KIAA1671: variants seen among roughly 807,000 people sequenced by gnomAD.
The protein encoded by KIAA1671 is KIAA1671.
In KIAA1671, 52 loss-of-function variants were observed where a neutral mutation model predicts 131.2. The observed-to-expected ratio is 0.40, with a 90% CI of 0.32 to 0.50. The LOEUF (loss-of-function observed/expected upper bound fraction) is 0.50, where lower values mean the gene tolerates loss of function less well. Ranked by LOEUF, KIAA1671 falls within the 20% of genes least tolerant of loss-of-function variation. KIAA1671 has a pLI of 0.73. For missense variants in KIAA1671, 2,360 were observed against 2,364.2 expected, an observed-to-expected ratio of 1.00 and a Z score of 0.04; for synonymous variants, 1,003 against 961.6, an observed-to-expected ratio of 1.04 and a Z score of -0.80.
chr22:25,094,261 C>T (rs987240748), intron 6 of KIAA1671, among the ~76,000 whole-genome samples: 3 of 152,102 alleles, frequency 2.0e-5, no homozygotes, highest in African/African-American at 7.2e-5. Context: ...TTGCCCAGAG[C>T]TTGGAGCCCT....
In KIAA1671 at chr22:25,039,569, T is replaced by A. The variant is rs1247764207; in HGVS notation, c.2439T>A (p.Phe813Leu). The change falls in exon 5 of 13, where the codon TTT (phenylalanine) becomes TTA (leucine). Residue 813 changes from phenylalanine to leucine, a missense_variant. Physicochemically the swap from Phe to Leu is conservative, Grantham distance 22 (BLOSUM62 0). Around this residue, in one of 3 missense-constraint regions of KIAA1671, gnomAD observed 1,185 missense variants for 1,126.2 expected, o/e 1.05. Transcript: ENST00000358431. ...RGMPEASGPKFGGNCPFPKWT... is the reference protein window; with the variant it reads ...RGMPEASGPKLGGNCPFPKWT... ...TGCCTGAGGCTAGTGGACCGAAGTT[T>A]GGGGGCAATTGCCCGTTTCCCAAAT... The A allele has an allele frequency of 3.2e-6, 5 of 1,551,656 alleles. No individual in the cohort carries two copies. In the Admixed American group the frequency reaches 7.8e-5, roughly 24 times the overall value.
At chr22:25,098,638 G>GT (rs983725045) in intron 6 of KIAA1671, among the ~76,000 whole-genome samples, 4 of 150,724 alleles carry the variant, frequency 2.7e-5, no homozygotes, top group African/African-American at 9.9e-5. Flanking sequence ...GGGCGGGGGG[G>GT]GGTTTGCTCT....
At chr22:24,954,540 A>G (rs1292393176) in intron 1 of KIAA1671, among the ~76,000 whole-genome samples, 1 of 152,142 alleles carries the variant, frequency 6.6e-6, no homozygotes, top group Non-Finnish European at 1.5e-5. Context: ...GGCTCCATCA[A>G]CCAGCGTGTA....
Position 25,046,402 on chromosome 22 carries a change from T to C in KIAA1671, c.4396-2828T>C, listed in dbSNP as rs16979472. The stretch of plus-strand genomic sequence containing the variant: ...AGGGTGTGATGGTCATTAAAGTGAT[T>C]CCTTCCTCTCTCCATCCCTTCCTCT... On this transcript the variant is annotated intron_variant, in intron 5 of 12. Coordinates refer to ENST00000358431, the MANE Select transcript of KIAA1671 (RefSeq NM_001145206.2). Among the ~76,000 whole-genome samples, 569 of 146,514 alleles carry C rather than the reference T, an allele frequency of 3.9e-3. 4 individuals are homozygous for C. Among genetic ancestry groups the C allele is most frequent in the Middle Eastern group, 0.011 (3 of 280 alleles).
chr22:24,973,204 C>A (rs1263125717), intron 1 of KIAA1671, among the ~76,000 whole-genome samples: 1 of 152,030 alleles, frequency 6.6e-6, no homozygotes, highest in African/African-American at 2.4e-5. Context: ...TTTAAAAAAC[C>A]CTGACTGCTG....
chr22:25,067,105 C>T (rs2145843432), intron 6 of KIAA1671, among the ~76,000 whole-genome samples: 1 of 152,238 alleles, frequency 6.6e-6, no homozygotes, highest in Non-Finnish European at 1.5e-5. Flanking sequence ...GCACTGGGGG[C>T]AGCTTCTCCT....
intron 6 of KIAA1671, among the ~76,000 whole-genome samples, chr22:25,113,466 T>A (rs1203137954): frequency 6.6e-6 from 1 of 152,200 alleles, no homozygotes; most frequent in African/African-American, 2.4e-5. Flanking sequence ...TTTTCTGGGT[T>A]CCTCCTAGCC....
At chr22:24,963,305 A>G (rs1922110258) in intron 1 of KIAA1671, among the ~76,000 whole-genome samples, 1 of 146,850 alleles carries the variant, frequency 6.8e-6, no homozygotes, top group Non-Finnish European at 1.5e-5. Context: ...CGGCTCTTGC[A>G]GTGAGCCAAG....
At chr22:25,097,736 T>TTA (rs529594794) in intron 6 of KIAA1671, among the ~76,000 whole-genome samples, 2 of 142,702 alleles carry the variant, frequency 1.4e-5, no homozygotes, top group Non-Finnish European at 3.1e-5. Context: ...CGAGACTCCA[T>TTA]AAAAAAAAAA....
At chr22:25,082,131 G>C (rs1929442285) in intron 6 of KIAA1671, among the ~76,000 whole-genome samples, 1 of 152,206 alleles carries the variant, frequency 6.6e-6, no homozygotes, top group Non-Finnish European at 1.5e-5. Flanking sequence ...TTCAAGCTGA[G>C]TGGACATGTG....
chr22:25,151,686 C>A (rs1265232568), intron 6 of KIAA1671, among the ~76,000 whole-genome samples: 1 of 151,876 alleles, frequency 6.6e-6, no homozygotes, highest in Non-Finnish European at 1.5e-5. Flanking sequence ...CCGCCTTGGC[C>A]TCCCCGGCCT....
intron 8 of KIAA1671, 72 bp from the exon 9 acceptor site, chr22:25,177,276 C>T: frequency 1.4e-6 from 2 of 1,405,088 alleles, no homozygotes; most frequent in Non-Finnish European, 1.9e-6. Flanking sequence ...TGTGTACCGC[C>T]AACTGTGTTG....
chr22:25,179,358 G>C (rs1054935245), intron 9 of KIAA1671: 1 of 1,600,688 alleles, frequency 6.2e-7, no homozygotes. Flanking sequence ...CACCTCGGCC[G>C]CGTGCAGCTC....
chr22:25,032,609 GT>G lies in KIAA1671; in HGVS notation c.1546del (p.Ser516GlnfsTer17). The G allele has an allele frequency of 6.5e-7, 1 of 1,542,594 alleles. No individual in the cohort carries two copies. Among genetic ancestry groups the G allele is most frequent in the Non-Finnish European group, 8.8e-7 (1 of 1,139,502 alleles). On this transcript the variant is annotated frameshift_variant and splice_region_variant, in exon 4 of 13. Transcript: ENST00000358431. LOFTEE classifies it high-confidence loss of function. ...AAGGTAACTCAGATCTCTGTACCAGGTTTTCAAGTTCAGCTTCCAGCAACGA... is the reference window on the plus strand; with the variant it reads ...AAGGTAACTCAGATCTCTGTACCAGGTTTCAAGTTCAGCTTCCAGCAACGA... ...RPLSADLTKL[F>X]SSSASSNEVK...
intron 6 of KIAA1671, among the ~76,000 whole-genome samples, chr22:25,127,377 G>A (rs1932232927): frequency 6.6e-6 from 1 of 152,196 alleles, no homozygotes; most frequent in Non-Finnish European, 1.5e-5. Context: ...AGAGGGTTAA[G>A]CCTCTTCTTC....
chr22:25,183,279 G>A (rs1418562819), intron 10 of KIAA1671, among the ~76,000 whole-genome samples: 1 of 152,210 alleles, frequency 6.6e-6, no homozygotes, highest in East Asian at 1.9e-4. Context: ...TTAGTAGACG[G>A]AAGTTTTGCT....
At chr22:25,167,975 C>A (rs949909166) in intron 6 of KIAA1671, among the ~76,000 whole-genome samples, 1 of 152,166 alleles carries the variant, frequency 6.6e-6, no homozygotes, top group Non-Finnish European at 1.5e-5. Context: ...CTTGTAACTT[C>A]TCTGCAATTC....
At chr22:25,154,909 G>A (rs1446834378) in intron 6 of KIAA1671, among the ~76,000 whole-genome samples, 3 of 152,182 alleles carry the variant, frequency 2.0e-5, no homozygotes, top group Non-Finnish European at 4.4e-5. Context: ...TAATAGATAC[G>A]ATGCTTAACT....
intron 6 of KIAA1671, among the ~76,000 whole-genome samples, chr22:25,137,448 T>A (rs532496591): frequency 6.6e-6 from 1 of 152,368 alleles, no homozygotes; most frequent in South Asian, 2.1e-4. Context: ...GAATGGTTAT[T>A]ATTCATGATG....
Sources: gnomAD v4.1 joint callset for allele counts (sites outside exome capture counted in the v4.1 genomes callset) on GRCh38, gnomAD v4.1.1 for gene constraint, gnomAD v4.1.1 regional missense constraint, MANE v1.5 for transcripts, NCBI Gene and HGNC (gene_info 2026-07-23, HGNC 2026-07-21) for gene names.